The following QTMAN variants were observed in gnomAD, a reference collection of about 807,000 sequenced individuals.
QTMAN encodes the protein tRNA-queuosine alpha-mannosyltransferase.
chr2:144,239,314 A>G, the QTMAN span, among the ~76,000 whole-genome samples: 2 of 152,238 alleles, frequency 1.3e-5, no homozygotes, highest in Non-Finnish European at 2.9e-5. Context: ...ACAAGTGTAT[A>G]ACCTCTTAAA....
chr2:144,125,182 T>C, the QTMAN span, among the ~76,000 whole-genome samples: 2 of 152,038 alleles, frequency 1.3e-5, no homozygotes, highest in African/African-American at 2.4e-5. Context: ...GCCATGCAAA[T>C]AGAAGCCTAT....
chr2:144,289,252 G>A, the QTMAN span, among the ~76,000 whole-genome samples: 5 of 152,170 alleles, frequency 3.3e-5, no homozygotes, highest in East Asian at 1.9e-4. Flanking sequence ...GGATGGTCTC[G>A]ATCTAACCTC....
the QTMAN span, among the ~76,000 whole-genome samples, chr2:144,330,096 T>C: frequency 2.0e-5 from 3 of 152,224 alleles, no homozygotes; most frequent in Non-Finnish European, 2.9e-5. Context: ...TTGGGCGTGC[T>C]GGAATTAGAT....
the QTMAN span, among the ~76,000 whole-genome samples, chr2:144,051,383 T>A: frequency 4.0e-5 from 6 of 151,880 alleles, no homozygotes; most frequent in South Asian, 2.1e-4. Context: ...TTTTTTTTTT[T>A]AAATAAGCCA....
At chr2:144,056,011 C>A in the QTMAN span, among the ~76,000 whole-genome samples, 1 of 152,192 alleles carries the variant, frequency 6.6e-6, no homozygotes, top group Non-Finnish European at 1.5e-5. Context: ...CAATGTAGCA[C>A]CTGCTTCGGA....
the QTMAN span, among the ~76,000 whole-genome samples, chr2:144,253,365 C>T: frequency 1.3e-5 from 2 of 151,988 alleles, no homozygotes; most frequent in Non-Finnish European, 2.9e-5. Flanking sequence ...ATAAAGACAG[C>T]AGAAAATGTG....
the QTMAN span, among the ~76,000 whole-genome samples, chr2:144,168,818 G>A: frequency 4.0e-5 from 6 of 151,714 alleles, no homozygotes; most frequent in Non-Finnish European, 8.8e-5. Context: ...TACATCTTAG[G>A]CTTCTTGTTA....
the QTMAN span, among the ~76,000 whole-genome samples, chr2:144,038,344 T>C: frequency 6.6e-6 from 1 of 152,048 alleles, no homozygotes; most frequent in South Asian, 2.1e-4. Context: ...CACATACATA[T>C]ACATATATTA....
the QTMAN span, among the ~76,000 whole-genome samples, chr2:144,017,196 G>A: frequency 2.0e-5 from 3 of 151,874 alleles, no homozygotes; most frequent in Non-Finnish European, 4.4e-5. Context: ...GTAGAGACGG[G>A]GTTTCACCAT....
At chr2:144,229,402 C>T in the QTMAN span, among the ~76,000 whole-genome samples, 1 of 152,206 alleles carries the variant, frequency 6.6e-6, no homozygotes, top group South Asian at 2.1e-4. Context: ...CTCAGTTACC[C>T]TTTCAGTGGT....
chr2:144,201,299 AG>A, the QTMAN span, among the ~76,000 whole-genome samples: 1 of 152,148 alleles, frequency 6.6e-6, no homozygotes, highest in Non-Finnish European at 1.5e-5. Context: ...TTGCCAACAA[AG>A]GGACCAGCAA....
At chr2:144,280,585 A>T in the QTMAN span, among the ~76,000 whole-genome samples, 1 of 152,140 alleles carries the variant, frequency 6.6e-6, no homozygotes, top group Non-Finnish European at 1.5e-5. Flanking sequence ...AAACTGATAA[A>T]TTTGCCATTA....
At chr2:144,233,652 T>C in the QTMAN span, among the ~76,000 whole-genome samples, 1 of 152,202 alleles carries the variant, frequency 6.6e-6, no homozygotes, top group Non-Finnish European at 1.5e-5. Context: ...CAGTGTAGGA[T>C]TGTCACTTTG....
the QTMAN span, among the ~76,000 whole-genome samples, chr2:144,325,284 AC>A: frequency 6.6e-6 from 1 of 152,190 alleles, no homozygotes; most frequent in African/African-American, 2.4e-5. Context: ...CACACTTTTG[AC>A]AGGAAGGTGA....
the QTMAN span, among the ~76,000 whole-genome samples, chr2:144,123,007 AAAAG>A: frequency 9.9e-5 from 15 of 152,168 alleles, no homozygotes; most frequent in African/African-American, 3.1e-4. Context: ...AATATCCTAT[AAAAG>A]AAAGACAAAT....
chr2:144,280,251 T>G, the QTMAN span, among the ~76,000 whole-genome samples: 1 of 152,176 alleles, frequency 6.6e-6, no homozygotes, highest in African/African-American at 2.4e-5. Flanking sequence ...TAACAGACAA[T>G]TAAACTTACT....
chr2:143,957,549 G>A, the QTMAN span, among the ~76,000 whole-genome samples: 2 of 152,056 alleles, frequency 1.3e-5, no homozygotes, highest in South Asian at 2.1e-4. Context: ...GGCCCGCCTC[G>A]CCACCCTCCC....
the QTMAN span, among the ~76,000 whole-genome samples, chr2:144,253,682 G>C: frequency 2.0e-5 from 3 of 151,008 alleles, no homozygotes; most frequent in Non-Finnish European, 4.4e-5. Flanking sequence ...TCTGGCAGAA[G>C]AAATTTCTAA....
chr2:144,301,505 G>A, the QTMAN span, among the ~76,000 whole-genome samples: 2 of 152,210 alleles, frequency 1.3e-5, no homozygotes, highest in African/African-American at 4.8e-5. Context: ...TTACAGGCAT[G>A]AGCCACCGCA....
Sources: allele counts gnomAD v4.1 joint callset (sites outside exome capture counted in the v4.1 genomes callset), GRCh38; gene constraint gnomAD v4.1.1; transcripts MANE v1.5; gene names NCBI Gene and HGNC (gene_info 2026-07-23, HGNC 2026-07-21).